STPG1: variants seen among roughly 807,000 people sequenced by gnomAD.
STPG1 encodes the protein O(6)-methylguanine-induced apoptosis 2.
STPG1 carries 33 observed loss-of-function variants against 40.1 expected under a neutral mutation model. That is an observed-to-expected ratio of 0.82 (90% CI 0.62 to 1.10). The LOEUF is 1.10. Ranked by LOEUF, STPG1 falls within the 50% of genes least tolerant of loss-of-function variation. The pLI is 0.00. For synonymous variants in STPG1, 150 were observed against 155.0 expected, an observed-to-expected ratio of 0.97 and a Z score of 0.24; for missense variants, 396 against 415.1, an observed-to-expected ratio of 0.95 and a Z score of 0.40.
At chr1:24,400,571 GGAA>G (rs1643183274) in intron 2 of STPG1, among the ~76,000 whole-genome samples, 1 of 152,202 alleles carries the variant, frequency 6.6e-6, no homozygotes, top group Non-Finnish European at 1.5e-5. Flanking sequence ...GAGGATAGGA[GGAA>G]GAAAGAGAGA....
intron 1 of STPG1, among the ~76,000 whole-genome samples, chr1:24,403,189 A>G (rs550998762): frequency 6.6e-6 from 1 of 152,312 alleles, no homozygotes; most frequent in East Asian, 1.9e-4. Flanking sequence ...TGGAGATTCA[A>G]TTAATCCAGC....
At chr1:24,362,620 T>C (rs1032179905) in intron 7 of STPG1, among the ~76,000 whole-genome samples, 3 of 152,210 alleles carry the variant, frequency 2.0e-5, no homozygotes, top group Non-Finnish European at 2.9e-5. Flanking sequence ...GTTGTTATTC[T>C]TCTGATGATC....
intron 2 of STPG1, among the ~76,000 whole-genome samples, chr1:24,392,758 G>A (rs922192428): frequency 8.5e-5 from 13 of 152,090 alleles, no homozygotes; most frequent in African/African-American, 2.9e-4. Context: ...TTTGGGTGGG[G>A]GGGTGCATCC....
chr1:24,391,512 G>T, intron 3 of STPG1, 49 bp downstream of exon 3: 1 of 1,213,228 alleles, frequency 8.2e-7, no homozygotes, highest in Non-Finnish European at 1.2e-6. Context: ...TGTCCCGCAA[G>T]GCTAAAATCC....
At chr1:24,413,208 G>A (rs906149955) in intron 1 of STPG1, among the ~76,000 whole-genome samples, 2 of 152,236 alleles carry the variant, frequency 1.3e-5, no homozygotes, top group Admixed American at 1.3e-4. Flanking sequence ...TGACCACCAG[G>A]TTCCAATCTC....
intron 5 of STPG1, among the ~76,000 whole-genome samples, chr1:24,374,622 C>CT (rs745337991): frequency 8.7e-5 from 13 of 149,102 alleles, no homozygotes; most frequent in South Asian, 2.1e-4. Context: ...ATTGTTGCTA[C>CT]TTTTTTTTTG....
At position 24,383,920 on chromosome 1, in the gene STPG1, A is replaced by G. The variant is rs541053343; in HGVS notation, c.273T>C (p.Thr91=). 5 of 1,612,994 alleles carry G rather than the reference A, an allele frequency of 3.1e-6. No homozygotes were observed. In the South Asian group the frequency reaches 4.4e-5, roughly 14 times the overall value. The change falls in exon 4 of 9, where the codon ACT becomes ACC. Residue 91 remains threonine, a synonymous_variant. Transcript: ENST00000337248. ...TTCTCACCATTGAGGGAAACATGCA[A>G]GTTCCTTTCTTGGACAATGAGACAC... The part of the protein sequence containing the change: ...SNSVSLSKKG[T]CMFPSMCARL...
In STPG1 at chr1:24,358,276, G is replaced by A; in HGVS notation, c.*267C>T. On this transcript the variant is annotated 3_prime_UTR_variant, in exon 9 of 9. Transcript: ENST00000337248. ...GCCTGGATGGGTGCGTGGGGAAGCA[G>A]CCAGGGGGCTCTGTCCACTCCTCCC... 1 of 649,478 alleles carries A rather than the reference G, an allele frequency of 1.5e-6. No homozygotes were observed. The highest frequency in any genetic ancestry group is 1.5e-5 in the South Asian group (1 of 66,270). 40.2% of individuals were successfully genotyped at this position (649,478 alleles called of 1,614,324 possible). A position where few individuals can be genotyped will look rare whatever the true frequency, so the allele number is the denominator to read the frequency against.
At position 24,367,913 on chromosome 1, in the gene STPG1, AGAG is replaced by A. The variant is rs1236388364; in HGVS notation, c.737+1758_737+1760del. Among the ~76,000 whole-genome samples, 4 of 152,168 alleles carry A rather than the reference AGAG, an allele frequency of 2.6e-5. No homozygotes were observed. The South Asian group carries it at 6.2e-4, about 24-fold the overall frequency. On this transcript the variant is annotated intron_variant, in intron 7 of 8. Coordinates refer to ENST00000337248, the MANE Select transcript of STPG1 (RefSeq NM_001199013.2). ...TTAATAACATAAAACTGAGGCTCAG[AGAG>A]GAGAAGTCTCTGGAAGGTACAGAGC...
intron 2 of STPG1, among the ~76,000 whole-genome samples, chr1:24,393,493 T>C (rs568435971): frequency 1.3e-5 from 2 of 151,932 alleles, no homozygotes; most frequent in Non-Finnish European, 2.9e-5. Context: ...GCTAAGAGAG[T>C]GTGCAGAGGA....
At chr1:24,386,117 T>C (rs1642492967) in intron 3 of STPG1, among the ~76,000 whole-genome samples, 1 of 152,222 alleles carries the variant, frequency 6.6e-6, no homozygotes, top group Non-Finnish European at 1.5e-5. Context: ...CCAGTTAAAT[T>C]AGAATTTCAG....
Position 24,357,149 on chromosome 1 carries a change from C to T in STPG1, c.*1394G>A, listed in dbSNP as rs1640771149. ...CCTTTTGCCTCGGGTTCCCATTAGGCTTGCCTGCCCCTGTGGGAGGGACCC... is the reference window on the plus strand; with the variant it reads ...CCTTTTGCCTCGGGTTCCCATTAGGTTTGCCTGCCCCTGTGGGAGGGACCC... On this transcript the variant is annotated 3_prime_UTR_variant, in exon 9 of 9. Coordinates refer to ENST00000337248, the MANE Select transcript of STPG1 (RefSeq NM_001199013.2). 1 of 148,920 alleles carries T rather than the reference C, an allele frequency of 6.7e-6. No homozygotes were observed. Among genetic ancestry groups the T allele is most frequent in the Non-Finnish European group, 1.5e-5 (1 of 67,268 alleles). The allele number at this position is 148,920 out of a possible 1,614,324, so 9.2% of individuals were successfully genotyped here. A position where few individuals can be genotyped will look rare whatever the true frequency, so the allele number is the denominator to read the frequency against.
rs1355835218 is a variant in STPG1, at chr1:24,399,867, G to A, written c.70+1452C>T. On this transcript the variant is annotated intron_variant, in intron 2 of 8. Coordinates refer to ENST00000337248, the MANE Select transcript of STPG1 (RefSeq NM_001199013.2). This position sits in a 1 kb window ranked among gnomAD's most constrained non-coding sequence, Gnocchi z 4.0. ...AGGCAATGCAAATTAAAACTATTAT[G>A]AGCTTAAAATGTTGGTGAGGATTTG... 6.6e-6 allele frequency among the ~76,000 whole-genome samples: 1 copy of A among 152,162 alleles called. No homozygotes were observed. Among genetic ancestry groups the A allele is most frequent in the Non-Finnish European group, 1.5e-5 (1 of 68,024 alleles).
At chr1:24,406,785 T>TA (rs938175181) in intron 1 of STPG1, among the ~76,000 whole-genome samples, 1 of 152,230 alleles carries the variant, frequency 6.6e-6, no homozygotes, top group Non-Finnish European at 1.5e-5. Context: ...ATTCTTTTTT[T>TA]ATCCATCAAC....
chr1:24,369,597 C>T, intron 7 of STPG1, 77 bp downstream of exon 7: 4 of 1,473,562 alleles, frequency 2.7e-6, no homozygotes, highest in South Asian at 1.3e-5. Flanking sequence ...AGCAGTGACA[C>T]CCCATCCTTT....
At chr1:24,368,452 T>C (rs1161154361) in intron 7 of STPG1, among the ~76,000 whole-genome samples, 1 of 152,122 alleles carries the variant, frequency 6.6e-6, no homozygotes, top group Non-Finnish European at 1.5e-5. Context: ...GCCAGCTCTG[T>C]CTGGAGGGGC....
chr1:24,381,069 T>C (rs1221903788), intron 4 of STPG1, among the ~76,000 whole-genome samples: 1 of 152,094 alleles, frequency 6.6e-6, no homozygotes, highest in Non-Finnish European at 1.5e-5. Context: ...ATCTCTACTT[T>C]ACAGATGAGG....
At chr1:24,394,899 A>G (rs1393321950) in intron 2 of STPG1, among the ~76,000 whole-genome samples, 1 of 152,120 alleles carries the variant, frequency 6.6e-6, no homozygotes, top group Non-Finnish European at 1.5e-5. Context: ...AAATAGAAAA[A>G]AATAGTTCAA....
intron 1 of STPG1, among the ~76,000 whole-genome samples, chr1:24,403,003 T>C (rs1443712679): frequency 1.3e-5 from 2 of 152,196 alleles, no homozygotes; most frequent in South Asian, 2.1e-4. Flanking sequence ...ATTTCTTTTG[T>C]CAGATCTAAG....
Sources: gnomAD v4.1 joint callset for allele counts (sites outside exome capture counted in the v4.1 genomes callset) on GRCh38, gnomAD v4.1.1 for gene constraint, Gnocchi (gnomAD v3.1) non-coding constraint, MANE v1.5 for transcripts, NCBI Gene and HGNC (gene_info 2026-07-23, HGNC 2026-07-21) for gene names.